Variants in EXPH5 observed in about 807,000 individuals in gnomAD.
EXPH5 encodes the protein exophilin 5, also known as exophilin-5.
In EXPH5, 42 loss-of-function variants were observed where a neutral mutation model predicts 41.1. The observed-to-expected ratio is 1.02, with a 90% confidence interval of 0.80 to 1.32. EXPH5 has a LOEUF of 1.32. EXPH5 is among the 40% of genes most tolerant of loss of function. The probability of loss-of-function intolerance (pLI) is 0.00; values close to 1 mark genes in which losing one functional copy is unlikely to be tolerated. For missense variants in EXPH5, 2,298 were observed against 2,314.5 expected (o/e 0.99, Z 0.15); for synonymous variants, 798 against 833.5 (o/e 0.96, Z 0.73).
chr11:108,570,080 G>A (rs2094053041), intron 1 of EXPH5, among the ~76,000 whole-genome samples: 1 of 152,176 alleles, frequency 6.6e-6, no homozygotes, highest in South Asian at 2.1e-4. Flanking sequence ...TGAGCCAAGA[G>A]AGTAACTAGG....
intron 1 of EXPH5, among the ~76,000 whole-genome samples, chr11:108,572,050 C>CA (rs34491366): frequency 0.55 from 77,512 of 140,326 alleles, 20,987 homozygotes; most frequent in Admixed American, 0.61. Context: ...ACTCTGTCTC[C>CA]AAAAAAAAAA....
intron 1 of EXPH5, among the ~76,000 whole-genome samples, chr11:108,574,080 T>G (rs1356650667): frequency 1.3e-5 from 2 of 150,876 alleles, no homozygotes; most frequent in Admixed American, 1.3e-4. Context: ...TTTGTGTGTT[T>G]TTTTTTTTTT....
In EXPH5 at chr11:108,507,765, G is replaced by A. The variant is rs931454070; in HGVS notation, c.*1772C>T. 2.6e-5 allele frequency: 4 copies of A among 152,116 alleles called. No individual in the cohort carries two copies. The highest frequency in any genetic ancestry group is 4.4e-5 in the Non-Finnish European group (3 of 68,034). 9.4% of individuals were successfully genotyped at this position (152,116 alleles called of 1,614,324 possible). On this transcript the variant is annotated 3_prime_UTR_variant, in exon 6 of 6. Transcript: ENST00000265843. ...GCAAAGAATGAATTCCAGGGTGTCA[G>A]ATCTGACTTGATGGCATTTTAGGGA...
At chr11:108,607,401 A>G in the EXPH5 span, among the ~76,000 whole-genome samples, 2 of 152,224 alleles carry the variant, frequency 1.3e-5, no homozygotes, top group African/African-American at 4.8e-5. Context: ...ATGTAAAAAT[A>G]TCCTCCAAAA....
chr11:108,541,119 C>G (rs1211018411), intron 2 of EXPH5, among the ~76,000 whole-genome samples: 1 of 151,932 alleles, frequency 6.6e-6, no homozygotes, highest in Admixed American at 6.6e-5. Flanking sequence ...TGCCCAGGCT[C>G]GTCTCAAACT....
the EXPH5 span, among the ~76,000 whole-genome samples, chr11:108,602,147 T>A: frequency 7.0e-4 from 107 of 152,346 alleles, no homozygotes; most frequent in African/African-American, 2.5e-3. Flanking sequence ...TCATAGCTTA[T>A]CAAATTGCTC....
intron 1 of EXPH5, among the ~76,000 whole-genome samples, chr11:108,573,139 GGAAAGAAAGAAA>G (rs3054581): frequency 0.025 from 2,239 of 90,506 alleles, 30 homozygotes; most frequent in Middle Eastern, 0.041. Context: ...AAGGAAAGAA[GGAAAGAAAGAAA>G]GAAAGAAAGA....
At chr11:108,529,153 A>G (rs1359078979) in intron 3 of EXPH5, among the ~76,000 whole-genome samples, 2 of 152,116 alleles carry the variant, frequency 1.3e-5, no homozygotes, top group Non-Finnish European at 2.9e-5. Flanking sequence ...AAAAGAGAGA[A>G]AAAAACCACT....
chr11:108,590,923 G>A (rs2094126024), intron 1 of EXPH5, among the ~76,000 whole-genome samples: 1 of 152,186 alleles, frequency 6.6e-6, no homozygotes. Flanking sequence ...AAAGCACTGG[G>A]ATTACAGGCG....
chr11:108,583,166 A>T (rs1449731099), intron 1 of EXPH5, among the ~76,000 whole-genome samples: 2 of 151,894 alleles, frequency 1.3e-5, no homozygotes, highest in African/African-American at 4.8e-5. Flanking sequence ...GCAGATCACG[A>T]GGTCAGGAGA....
intron 1 of EXPH5, among the ~76,000 whole-genome samples, chr11:108,568,850 T>C (rs78015739): frequency 0.021 from 3,249 of 152,236 alleles, 117 homozygotes; most frequent in African/African-American, 0.074. Flanking sequence ...TCTTCCTCCC[T>C]AATCGAGGCC....
At chr11:108,599,580 A>G in the EXPH5 span, among the ~76,000 whole-genome samples, 1 of 152,242 alleles carries the variant, frequency 6.6e-6, no homozygotes, top group African/African-American at 2.4e-5. Flanking sequence ...TGCTTTACAG[A>G]AATAAGATTG....
At position 108,539,066 on chromosome 11, in the gene EXPH5, G is replaced by A. The variant is rs1477498491; in HGVS notation, c.401C>T (p.Ser134Phe). 24 of 1,607,122 alleles carry A rather than the reference G, an allele frequency of 1.5e-5. No homozygotes were observed. The highest frequency in any genetic ancestry group is 1.8e-5 in the Non-Finnish European group (21 of 1,176,260). Residue 134 changes from serine to phenylalanine, a missense_variant, in exon 3 of 6, where the codon TCT (serine) becomes TTT (phenylalanine). Ser to Phe is a radical substitution (Grantham distance 155). Transcript: ENST00000265843. ...SFASLFSFRK[S>F]GKETSKLPSL... Reference sequence around the variant, plus strand: ...TGGAAGCTTTGAAGTCTCCTTTCCAGATTTCCTGAATGAGAACAGGGAAGC... The same window carrying A: ...TGGAAGCTTTGAAGTCTCCTTTCCAAATTTCCTGAATGAGAACAGGGAAGC...
Position 108,517,951 on chromosome 11 carries a change from G to A in EXPH5, c.631+284C>T, listed in dbSNP as rs376770887. On this transcript the variant is annotated intron_variant, in intron 5 of 5. Coordinates refer to ENST00000265843, the MANE Select transcript of EXPH5 (RefSeq NM_015065.3). ...TTTTTGTATTTTCAGTAGAGATGGG[G>A]TCTCAAACTCCTGACCCCTAAGGTT... Among the ~76,000 whole-genome samples the A allele has an allele frequency of 4.6e-5, 7 of 152,098 alleles. No homozygotes were observed. In the East Asian group the frequency reaches 9.7e-4, roughly 21 times the overall value.
chr11:108,523,161 C>A (rs939820663), intron 4 of EXPH5, among the ~76,000 whole-genome samples: 2 of 152,148 alleles, frequency 1.3e-5, no homozygotes, highest in East Asian at 3.8e-4. Flanking sequence ...CAGGCATGAA[C>A]CACCACGCCC....
chr11:108,576,402 A>T (rs2094079795), intron 1 of EXPH5, among the ~76,000 whole-genome samples: 1 of 152,134 alleles, frequency 6.6e-6, no homozygotes, highest in Non-Finnish European at 1.5e-5. Flanking sequence ...GGGAGGTGGG[A>T]ATGAAGAGTA....
rs746740374 is a variant in EXPH5 at position 108,511,575 on chromosome 11, C to T, written c.3932G>A (p.Cys1311Tyr). ...STREQSGTPSCENLKMSVNSD... is the reference protein window; with the variant it reads ...STREQSGTPSYENLKMSVNSD... ...GTTGACGGACATCTTTAGATTTTCA[C>T]ATGAAGGTGTTCCTGACTGCTCTCG... The change falls in exon 6 of 6, where the codon TGT becomes TAT. Residue 1311 changes from cysteine (C) to tyrosine (Y), a missense_variant. Transcript: ENST00000265843. 2 of 1,613,348 alleles carry T rather than the reference C, an allele frequency of 1.2e-6. No individual in the cohort carries two copies. The highest frequency in any genetic ancestry group is 4.5e-5 in the East Asian group (2 of 44,874).
At chr11:108,550,760 C>T (rs903496181) in intron 1 of EXPH5, among the ~76,000 whole-genome samples, 1 of 151,842 alleles carries the variant, frequency 6.6e-6, no homozygotes, top group African/African-American at 2.4e-5. Context: ...GCCTGGGCAA[C>T]AGAGTGAGAC....
the EXPH5 span, among the ~76,000 whole-genome samples, chr11:108,606,834 T>C: frequency 6.6e-6 from 1 of 152,098 alleles, no homozygotes; most frequent in African/African-American, 2.4e-5. Context: ...ATATCTTAAT[T>C]ACAATCTGGT....
Sources: gnomAD v4.1 joint callset for allele counts (sites outside exome capture counted in the v4.1 genomes callset) on GRCh38, gnomAD v4.1.1 for gene constraint, MANE v1.5 for transcripts, NCBI Gene and HGNC (gene_info 2026-07-23, HGNC 2026-07-21) for gene names.